The following NRXN1 variants were observed in gnomAD, a reference collection of about 807,000 sequenced individuals.
NRXN1 encodes neurexin-1.
A neutral mutation model predicts 150.9 loss-of-function variants in NRXN1; 39 were observed. The observed-to-expected ratio is 0.26, with a 90% CI of 0.20 to 0.34. The LOEUF (loss-of-function observed/expected upper bound fraction) is 0.34. Among genes scored for constraint, NRXN1 ranks in the 10% least tolerant of loss-of-function variants. NRXN1 has a pLI of 1.00. For missense variants in NRXN1, 1,815 were observed against 1,949.9 expected (o/e 0.93, Z 1.30); for synonymous variants, 924 against 757.0 (o/e 1.22, Z -3.62).
At position 50,072,444 on chromosome 2, in the gene NRXN1, T is replaced by A. The variant is rs116417329; in HGVS notation, c.3719-17400A>T. ...TCCCAAAAGATACACTGTGTCCACT[T>A]CAAAAACTCTAAAATTCTAAGTACC... On this transcript the variant is annotated intron_variant, in intron 19 of 22. Transcript: ENST00000401669. 9.0e-3 allele frequency among the ~76,000 whole-genome samples: 1,368 copies of A among 152,026 alleles called. 23 individuals are homozygous for A. The highest frequency in any genetic ancestry group is 0.031 in the African/African-American group (1,298 of 41,458).
intron 2 of NRXN1, among the ~76,000 whole-genome samples, chr2:50,941,061 C>G (rs943689402): frequency 6.6e-6 from 1 of 152,054 alleles, no homozygotes; most frequent in African/African-American, 2.4e-5. Flanking sequence ...TGATAGAATT[C>G]TTATGGGATC....
intron 17 of NRXN1, among the ~76,000 whole-genome samples, chr2:50,296,068 G>T (rs544781255): frequency 1.3e-5 from 2 of 152,220 alleles, no homozygotes; most frequent in East Asian, 3.9e-4. Context: ...TTCCTCTGTG[G>T]GCACGGCATT....
chr2:50,630,802 C>T (rs1017933837), intron 5 of NRXN1, among the ~76,000 whole-genome samples: 1 of 151,330 alleles, frequency 6.6e-6, no homozygotes, highest in African/African-American at 2.4e-5. Flanking sequence ...GGGTGAGAGC[C>T]CTGCTTCATT....
At chr2:49,942,876 C>T (rs772102697) in intron 22 of NRXN1, among the ~76,000 whole-genome samples, 1 of 152,098 alleles carries the variant, frequency 6.6e-6, no homozygotes, top group Non-Finnish European at 1.5e-5. Context: ...TCCCAAAGTG[C>T]TGGAATTACA....
intron 5 of NRXN1, among the ~76,000 whole-genome samples, chr2:50,726,372 C>T (rs911375539): frequency 2.0e-5 from 3 of 152,180 alleles, no homozygotes; most frequent in Admixed American, 6.5e-5. Context: ...CTTAGCTGCG[C>T]GTGGTGGCGC....
intron 21 of NRXN1, among the ~76,000 whole-genome samples, chr2:50,002,519 T>C (rs1051108147): frequency 1.3e-5 from 2 of 152,128 alleles, no homozygotes; most frequent in South Asian, 2.1e-4. Flanking sequence ...AGCTTCAGAT[T>C]CCAGTTAAGG....
At chr2:49,995,809 A>G (rs1260349590) in intron 21 of NRXN1, among the ~76,000 whole-genome samples, 12 of 139,306 alleles carry the variant, frequency 8.6e-5, no homozygotes, top group Non-Finnish European at 1.7e-4. Flanking sequence ...AAAAGATAGG[A>G]AAAGAAAGAA....
chr2:50,620,861 A>G (rs912421003), intron 7 of NRXN1: 1 of 252,638 alleles, frequency 4.0e-6, no homozygotes, highest in East Asian at 7.5e-5. Flanking sequence ...TGGCATCTCC[A>G]GCATTCCCAA....
chr2:50,407,933 G>A (rs13382506), intron 17 of NRXN1, among the ~76,000 whole-genome samples: 40,835 of 151,994 alleles, frequency 0.27, 5,753 homozygotes, highest in East Asian at 0.43. Context: ...GGGCTTCATC[G>A]TCTTCTCACT....
chr2:50,058,667 C>G lies in NRXN1; in HGVS notation c.3719-3623G>C, dbSNP rs545834968. Among the ~76,000 whole-genome samples the G allele has an allele frequency of 2.0e-5, 3 of 152,210 alleles. No homozygotes were observed. The East Asian group carries it at 5.8e-4, about 29-fold the overall frequency. On this transcript the variant is annotated intron_variant, in intron 19 of 22. Transcript: ENST00000401669. ...CCACCCAAATCTCATCTTGGATTGT[C>G]GCTCCCATAATCCCTACAAGTGGCA...
chr2:50,974,588 T>C (rs1382086677), intron 2 of NRXN1, among the ~76,000 whole-genome samples: 2 of 152,114 alleles, frequency 1.3e-5, no homozygotes, highest in African/African-American at 2.4e-5. Flanking sequence ...TACCCAAGAT[T>C]TCCTGTTCTG....
intron 17 of NRXN1, among the ~76,000 whole-genome samples, chr2:50,456,876 TATAAAGA>T (rs2087618231): frequency 6.6e-6 from 1 of 152,104 alleles, no homozygotes; most frequent in Non-Finnish European, 1.5e-5. Context: ...TCAACAACTG[TATAAAGA>T]ATAAACTCAG....
intron 5 of NRXN1, among the ~76,000 whole-genome samples, chr2:50,786,648 C>G (rs1705159845): frequency 6.6e-6 from 1 of 152,044 alleles, no homozygotes; most frequent in Non-Finnish European, 1.5e-5. Context: ...AATTTTGATC[C>G]GAGACACATC....
At chr2:50,968,433 A>G (rs1157653513) in intron 2 of NRXN1, among the ~76,000 whole-genome samples, 3 of 152,034 alleles carry the variant, frequency 2.0e-5, no homozygotes, top group Non-Finnish European at 2.9e-5. Flanking sequence ...CTGACCACCA[A>G]TTCCACCAGT....
At chr2:50,532,482 T>C (rs562731572) in intron 10 of NRXN1, among the ~76,000 whole-genome samples, 1 of 152,338 alleles carries the variant, frequency 6.6e-6, no homozygotes, top group South Asian at 2.1e-4. Flanking sequence ...TGAGCCATTA[T>C]GTTTAGCAAG....
At chr2:50,613,515 T>C (rs1678527728) in intron 8 of NRXN1, among the ~76,000 whole-genome samples, 4 of 152,210 alleles carry the variant, frequency 2.6e-5, no homozygotes, top group Non-Finnish European at 5.9e-5. Flanking sequence ...CCACAGTCAG[T>C]CCACTGGTCA....
At chr2:50,202,778 C>T (rs7599349) in intron 18 of NRXN1, among the ~76,000 whole-genome samples, 1 of 151,870 alleles carries the variant, frequency 6.6e-6, no homozygotes, top group South Asian at 2.1e-4. Flanking sequence ...AATACAACAT[C>T]ATTGGTAGCA....
rs145192863 is a variant in NRXN1, at chr2:50,406,376, G to A, written c.3364+59066C>T. ...AAAGTCTGTCTGGATCTTTTGTGAAGAGCAAAGGAAATGCTGAATAAAAAA... is the reference window on the plus strand; with the variant it reads ...AAAGTCTGTCTGGATCTTTTGTGAAAAGCAAAGGAAATGCTGAATAAAAAA... On this transcript the variant is annotated intron_variant, in intron 17 of 22. Transcript: ENST00000401669. 1.9e-3 allele frequency among the ~76,000 whole-genome samples: 289 copies of A among 152,224 alleles called. 4 individuals carry two copies. Among genetic ancestry groups the A allele is most frequent in the African/African-American group, 6.9e-3 (286 of 41,550 alleles).
intron 17 of NRXN1, among the ~76,000 whole-genome samples, chr2:50,254,069 T>C (rs76966842): frequency 4.6e-5 from 7 of 151,986 alleles, no homozygotes; most frequent in African/African-American, 1.5e-4. Context: ...TGGTAGGCTA[T>C]TTATTACTGC....
Sources: allele counts gnomAD v4.1 joint callset (sites outside exome capture counted in the v4.1 genomes callset), GRCh38; gene constraint gnomAD v4.1.1; transcripts MANE v1.5; gene names NCBI Gene and HGNC (gene_info 2026-07-23, HGNC 2026-07-21).